The following PRRG1 variants were observed in gnomAD, a reference collection of about 807,000 sequenced individuals.
PRRG1 encodes the protein transmembrane gamma-carboxyglutamic acid protein 1.
Under a neutral mutation model 11.8 loss-of-function variants are expected in PRRG1, and 5 were observed. The ratio of observed to expected loss-of-function variants is 0.42; its 90% confidence interval spans 0.22 to 0.89. The LOEUF (loss-of-function observed/expected upper bound fraction) is 0.89. PRRG1 is among the 40% of genes least tolerant of loss of function. The pLI, the probability that PRRG1 is intolerant of heterozygous loss-of-function variation, is 0.28. For synonymous variants in PRRG1, 66 were observed against 60.4 expected (o/e 1.09, Z -0.43); for missense variants, 155 against 166.1 (o/e 0.93, Z 0.37).
intron 3 of PRRG1, chrX:37,441,097 G>A: frequency 1.1e-6 from 1 of 930,973 alleles, no homozygotes; most frequent in Middle Eastern, 4.6e-4. Context: ...TAAACTCAAG[G>A]CAAACTCTAG....
At chrX:37,439,820 G>A (rs1435718017) in intron 3 of PRRG1, among the ~76,000 whole-genome samples, 1 of 98,679 alleles carries the variant, frequency 1.0e-5, no homozygotes, top group African/African-American at 3.9e-5. Flanking sequence ...TTTTGAGAGG[G>A]AGTCTCACTC....
chrX:37,358,647 T>C (rs191200114), intron 1 of PRRG1, among the ~76,000 whole-genome samples: 32 of 111,820 alleles, frequency 2.9e-4, no homozygotes, highest in Non-Finnish European at 4.7e-4. Context: ...GTAGTGTCAG[T>C]CCACCAACTT....
intron 3 of PRRG1, among the ~76,000 whole-genome samples, chrX:37,445,811 T>G (rs1434747427): frequency 4.4e-5 from 5 of 112,793 alleles, no homozygotes; most frequent in Admixed American, 2.8e-4. Flanking sequence ...TAGCCCACCA[T>G]CTGTTCTTGT....
intron 2 of PRRG1, among the ~76,000 whole-genome samples, chrX:37,420,480 T>C (rs782002204): frequency 9.1e-6 from 1 of 109,523 alleles, no homozygotes; most frequent in Admixed American, 9.8e-5. Flanking sequence ...TCATTCTCTG[T>C]TCTTGATGTT....
intron 1 of PRRG1, among the ~76,000 whole-genome samples, chrX:37,352,149 C>T (rs1033925470): frequency 1.8e-5 from 2 of 112,144 alleles, no homozygotes; most frequent in Admixed American, 1.9e-4. Flanking sequence ...TGAGAAAATA[C>T]CATGAACAAA....
intron 1 of PRRG1, among the ~76,000 whole-genome samples, chrX:37,381,249 T>C (rs1038430850): frequency 8.9e-6 from 1 of 111,904 alleles, no homozygotes; most frequent in South Asian, 3.7e-4. Flanking sequence ...TAAGAAGCCA[T>C]TTGAGTGGGC....
intron 1 of PRRG1, among the ~76,000 whole-genome samples, chrX:37,364,138 T>G (rs1036974937): frequency 2.7e-5 from 3 of 111,181 alleles, no homozygotes; most frequent in African/African-American, 9.8e-5. Flanking sequence ...GAAATCACAG[T>G]CCTGGTGCTA....
intron 1 of PRRG1, among the ~76,000 whole-genome samples, chrX:37,380,956 T>G (rs1556373629): frequency 2.7e-5 from 3 of 111,599 alleles, no homozygotes; most frequent in Non-Finnish European, 3.8e-5. Context: ...GGAGTAGTAA[T>G]TCTTAGGGAA....
chrX:37,371,175 A>C (rs1296262535), intron 1 of PRRG1, among the ~76,000 whole-genome samples: 1 of 111,506 alleles, frequency 9.0e-6, no homozygotes, highest in Non-Finnish European at 1.9e-5. Flanking sequence ...CCTCTGAAGC[A>C]CATAAAAATC....
At chrX:37,359,817 A>G (rs1930358018) in intron 1 of PRRG1, among the ~76,000 whole-genome samples, 1 of 111,646 alleles carries the variant, frequency 9.0e-6, no homozygotes, top group South Asian at 3.8e-4. Flanking sequence ...TCCTATTCAC[A>G]TTGTCTATTT....
intron 3 of PRRG1, among the ~76,000 whole-genome samples, chrX:37,445,998 A>G (rs1933069216): frequency 8.9e-6 from 1 of 112,549 alleles, no homozygotes; most frequent in Admixed American, 9.4e-5. Flanking sequence ...ATTGTATAGT[A>G]ACTTATCACA....
intron 1 of PRRG1, among the ~76,000 whole-genome samples, chrX:37,381,167 A>G (rs1342634985): frequency 9.0e-6 from 1 of 111,204 alleles, no homozygotes; most frequent in East Asian, 2.8e-4. Context: ...GGTCTGAACC[A>G]CCCAGGTGCA....
chrX:37,400,107 C>G (rs781800425), intron 1 of PRRG1, among the ~76,000 whole-genome samples: 5 of 111,366 alleles, frequency 4.5e-5, no homozygotes, highest in South Asian at 3.9e-4. Flanking sequence ...CCCAGGAATT[C>G]AACTCAGCTC....
At chrX:37,432,092 G>GT (rs782183502) in intron 3 of PRRG1, among the ~76,000 whole-genome samples, 16,090 of 95,975 alleles carry the variant, frequency 0.17, 1,790 homozygotes, top group African/African-American at 0.36. Context: ...GGTGAACAAT[G>GT]TTTTTTTTTT....
At chrX:37,440,863 A>C in intron 3 of PRRG1, 2 of 510,092 alleles carry the variant, frequency 3.9e-6, no homozygotes, top group Admixed American at 5.3e-5. Context: ...TCCTGTGCCC[A>C]AGTGATCCTC....
At chrX:37,445,464 G>A (rs1933057803) in intron 3 of PRRG1, among the ~76,000 whole-genome samples, 1 of 112,109 alleles carries the variant, frequency 8.9e-6, no homozygotes, top group African/African-American at 3.2e-5. Flanking sequence ...CACTGCTTTA[G>A]CATCCTGGTT....
intron 1 of PRRG1, among the ~76,000 whole-genome samples, chrX:37,393,584 C>A (rs1931615146): frequency 9.0e-6 from 1 of 111,324 alleles, no homozygotes; most frequent in South Asian, 3.7e-4. Context: ...GCCAGTAAAG[C>A]CTTGTATGAT....
intron 1 of PRRG1, among the ~76,000 whole-genome samples, chrX:37,388,674 C>T (rs1556375828): frequency 8.8e-6 from 1 of 113,089 alleles, no homozygotes; most frequent in Non-Finnish European, 1.9e-5. Context: ...ACAGTTCTTC[C>T]CTCCTAGGCC....
intron 3 of PRRG1, among the ~76,000 whole-genome samples, chrX:37,435,217 A>AATT (rs1932872183): frequency 8.9e-6 from 1 of 111,823 alleles, no homozygotes; most frequent in Non-Finnish European, 1.9e-5. Flanking sequence ...AGGTAACCTA[A>AATT]AGAAGCTCTC....
Sources: allele counts gnomAD v4.1 joint callset (sites outside exome capture counted in the v4.1 genomes callset), GRCh38; gene constraint gnomAD v4.1.1; transcripts MANE v1.5; gene names NCBI Gene and HGNC (gene_info 2026-07-23, HGNC 2026-07-21).